The following RBFOX1 variants were observed in gnomAD, a reference collection of about 807,000 sequenced individuals.
RBFOX1 encodes the protein RNA binding protein fox-1 homolog 1.
A neutral mutation model predicts 57.7 loss-of-function variants in RBFOX1; 8 were observed. That is an observed-to-expected ratio of 0.14 (90% CI 0.08 to 0.25). RBFOX1 has a LOEUF of 0.25. RBFOX1 is among the 10% of genes least tolerant of loss of function. RBFOX1 has a pLI of 1.00. For synonymous variants in RBFOX1, 326 were observed against 222.4 expected (o/e 1.47, Z -4.15); for missense variants, 611 against 548.5 (o/e 1.11, Z -1.14).
At chr16:6,317,304 C>T (rs757020352) in intron 2 of RBFOX1, among the ~76,000 whole-genome samples, 4 of 152,062 alleles carry the variant, frequency 2.6e-5, no homozygotes, top group South Asian at 2.1e-4. Context: ...GAGTTAACTG[C>T]GCCTTTATTA....
intron 4 of RBFOX1, among the ~76,000 whole-genome samples, chr16:7,183,607 G>A (rs776630784): frequency 6.6e-6 from 1 of 152,130 alleles, no homozygotes; most frequent in South Asian, 2.1e-4. Context: ...GCTTTCAGAA[G>A]CCTGCATTAA....
chr16:6,815,369 C>T (rs1268534162), intron 3 of RBFOX1, among the ~76,000 whole-genome samples: 7 of 152,272 alleles, frequency 4.6e-5, no homozygotes, highest in African/African-American at 1.4e-4. Context: ...ATTGCCTAAC[C>T]TTCTGGGAAT....
chr16:6,640,024 C>A (rs2098474407), intron 2 of RBFOX1, among the ~76,000 whole-genome samples: 1 of 152,106 alleles, frequency 6.6e-6, no homozygotes, highest in Admixed American at 6.5e-5. Context: ...GCTTTTAACC[C>A]CATTTTCTGA....
chr16:6,177,560 G>A (rs187679641), intron 1 of RBFOX1, among the ~76,000 whole-genome samples: 45 of 152,144 alleles, frequency 3.0e-4, no homozygotes, highest in African/African-American at 1.1e-3. Flanking sequence ...GTCAGAAAGT[G>A]GATTTCTATC....
intron 3 of RBFOX1, among the ~76,000 whole-genome samples, chr16:6,664,943 T>C (rs1028853708): frequency 3.3e-5 from 5 of 152,166 alleles, no homozygotes; most frequent in Non-Finnish European, 7.3e-5. Flanking sequence ...GGGACAGACA[T>C]CGTTTGTAAA....
chr16:6,872,240 A>C (rs1486908202), intron 3 of RBFOX1, among the ~76,000 whole-genome samples: 1 of 152,158 alleles, frequency 6.6e-6, no homozygotes, highest in African/African-American at 2.4e-5. Flanking sequence ...GAGATTTAAT[A>C]ATTGTTGTGT....
chr16:7,371,664 C>T (rs4307963), intron 4 of RBFOX1, among the ~76,000 whole-genome samples: 21,334 of 152,106 alleles, frequency 0.14, 2,036 homozygotes, highest in African/African-American at 0.27. Flanking sequence ...GCAGGAGAAT[C>T]GCTTGAACCC....
chr16:6,623,723 C>A (rs990704504), intron 2 of RBFOX1, among the ~76,000 whole-genome samples: 1 of 151,970 alleles, frequency 6.6e-6, no homozygotes, highest in Admixed American at 6.6e-5. Flanking sequence ...CGATAGTTTG[C>A]TGAGAATGAT....
intron 1 of RBFOX1, among the ~76,000 whole-genome samples, chr16:5,293,696 G>C (rs947295192): frequency 1.3e-5 from 2 of 150,944 alleles, no homozygotes; most frequent in Non-Finnish European, 2.9e-5. Context: ...GAAAGGTCCA[G>C]AATAGGCAAA....
At chr16:6,235,649 T>C (rs1330229139) in intron 1 of RBFOX1, among the ~76,000 whole-genome samples, 1 of 151,860 alleles carries the variant, frequency 6.6e-6, no homozygotes, top group Non-Finnish European at 1.5e-5. Context: ...TATATACACA[T>C]ATGTATATGA....
At chr16:5,489,222 C>G (rs79732716) in intron 2 of RBFOX1, among the ~76,000 whole-genome samples, 3 of 152,370 alleles carry the variant, frequency 2.0e-5, no homozygotes, top group Non-Finnish European at 2.9e-5. Context: ...CTTTCCTGTT[C>G]TCCTCTCATG....
intron 2 of RBFOX1, among the ~76,000 whole-genome samples, chr16:5,475,579 G>A (rs1017599507): frequency 1.3e-5 from 2 of 152,180 alleles, no homozygotes; most frequent in African/African-American, 4.8e-5. Context: ...TATAGTAATA[G>A]GTAATATTTA....
chr16:6,361,628 T>TTAAAAAAAAAAAAAAAAAAAA (rs1371587081), intron 2 of RBFOX1, among the ~76,000 whole-genome samples: 8 of 127,948 alleles, frequency 6.3e-5, no homozygotes, highest in African/African-American at 2.0e-4. Flanking sequence ...ACTCTGTCTC[T>TTAAAAAAAAAAAAAAAAAAAA]AAAAAAAAAA....
Position 5,606,202 on chromosome 16 carries a change from C to G in RBFOX1, c.318+7241C>G, listed in dbSNP as rs147264414. Among the ~76,000 whole-genome samples, 975 of 152,272 alleles carry G rather than the reference C, an allele frequency of 6.4e-3. 7 individuals carry two copies. Among genetic ancestry groups the G allele is most frequent in the Middle Eastern group, 0.014 (4 of 294 alleles). On this transcript the variant is annotated intron_variant, in intron 3 of 19. Coordinates refer to the RBFOX1 transcript ENST00000641259. ...TGATTTCATACTTGGCATTGGGATA[C>G]TATCTGGTGGCTTCTCCAACCTTAT...
At chr16:6,133,071 G>A (rs1334216812) in intron 1 of RBFOX1, among the ~76,000 whole-genome samples, 1 of 151,074 alleles carries the variant, frequency 6.6e-6, no homozygotes, top group African/African-American at 2.4e-5. Flanking sequence ...TGCCTCAAAG[G>A]ATGCAAGTTA....
rs115090450 is a variant in RBFOX1, at chr16:7,699,182, A to G, written c.996-9874A>G. On this transcript the variant is annotated intron_variant, in intron 14 of 15. Transcript: ENST00000550418. ...CTCACACCTTGGGACACACTAACTG[A>G]TCAATCAGGGACCTTTTCTCTTTGA... Among the ~76,000 whole-genome samples the G allele has an allele frequency of 2.8e-3, 423 of 152,256 alleles. 2 individuals are homozygous for G. Among genetic ancestry groups the G allele is most frequent in the African/African-American group, 9.3e-3 (386 of 41,546 alleles).
chr16:6,767,233 G>T (rs62016063), intron 3 of RBFOX1, among the ~76,000 whole-genome samples: 15,635 of 151,938 alleles, frequency 0.1, 901 homozygotes, highest in African/African-American at 0.15. Flanking sequence ...CAGCCACAGG[G>T]ACTGGCTCCT....
chr16:6,565,797 C>A (rs1265682145), intron 2 of RBFOX1, among the ~76,000 whole-genome samples: 2 of 152,108 alleles, frequency 1.3e-5, no homozygotes, highest in Admixed American at 1.3e-4. Flanking sequence ...GCTATAAGCT[C>A]ACCTGATGAA....
chr16:6,990,200 A>G (rs1259086441), intron 3 of RBFOX1, among the ~76,000 whole-genome samples: 22 of 152,168 alleles, frequency 1.4e-4, no homozygotes, highest in Admixed American at 1.4e-3. Flanking sequence ...GCAACTCTCA[A>G]TTTTGGATTT....
Sources: gnomAD v4.1 joint callset for allele counts (sites outside exome capture counted in the v4.1 genomes callset) on GRCh38, gnomAD v4.1.1 for gene constraint, MANE v1.5 for transcripts, NCBI Gene and HGNC (gene_info 2026-07-23, HGNC 2026-07-21) for gene names.